Variants in BCL11B observed in about 807,000 individuals in gnomAD.
BCL11B encodes B-cell lymphoma/leukemia 11B.
Under a neutral mutation model 49.9 loss-of-function variants are expected in BCL11B, and 8 were observed. That is an observed-to-expected ratio of 0.16 (90% confidence interval 0.09 to 0.29). BCL11B has a LOEUF of 0.29. BCL11B is among the 10% of genes least tolerant of loss of function. The pLI is 1.00. For synonymous variants in BCL11B, 739 were observed against 637.4 expected (o/e 1.16, Z -2.40); for missense variants, 1,006 against 1,351.0 (o/e 0.74, Z 4.00).
chr14:99,244,042 C>T (rs1426638341), intron 2 of BCL11B, among the ~76,000 whole-genome samples: 1 of 151,782 alleles, frequency 6.6e-6, no homozygotes, highest in Non-Finnish European at 1.5e-5. Context: ...AGAAAGTGTG[C>T]CCTGCAAAGA....
Position 99,213,911 on chromosome 14 carries a change from C to G in BCL11B, c.640+17434G>C, listed in dbSNP as rs138016041. 2.0e-5 allele frequency among the ~76,000 whole-genome samples: 3 copies of G among 152,302 alleles called. No individual in the cohort carries two copies. The highest frequency in any genetic ancestry group is 3.4e-3 in the Middle Eastern group (1 of 294). The stretch of plus-strand genomic sequence containing the variant: ...GCTGGAACACTCAAGGTGACACATC[C>G]CAGCCCTCCGGTGCTCCTCCGAGAG... On this transcript the variant is annotated intron_variant, in intron 3 of 3. Transcript: ENST00000357195. The surrounding 1 kb of genome is among the most constrained non-coding windows in gnomAD (Gnocchi z 5.1).
At chr14:99,199,248 C>T (rs1887271840) in intron 3 of BCL11B, among the ~76,000 whole-genome samples, 1 of 152,200 alleles carries the variant, frequency 6.6e-6, no homozygotes, top group Non-Finnish European at 1.5e-5. Flanking sequence ...TCAATGTATT[C>T]ATCTCTGGCT....
chr14:99,193,164 C>T (rs574921897), intron 3 of BCL11B, among the ~76,000 whole-genome samples: 3 of 152,270 alleles, frequency 2.0e-5, no homozygotes, highest in Admixed American at 6.5e-5. Flanking sequence ...CATCAAGAAA[C>T]GTAGTGATTT....
chr14:99,242,745 T>G lies in BCL11B; in HGVS notation c.428-11188A>C, dbSNP rs1274816121. On this transcript the variant is annotated intron_variant, in intron 2 of 3. Transcript: ENST00000357195. The surrounding 1 kb of genome is among the most constrained non-coding windows in gnomAD (Gnocchi z 4.4). ...GCCAGAGGTTATTTTATGAAAAATC[T>G]AATTCAAGTAATCCAGCTTTTGCTG... Among the ~76,000 whole-genome samples, 4 of 152,258 alleles carry G rather than the reference T, an allele frequency of 2.6e-5. No individual in the cohort carries two copies. In the East Asian group the frequency reaches 7.7e-4, roughly 29 times the overall value.
rs1160941157 is a variant in BCL11B, at chr14:99,241,340, A to ATAGTG, written c.428-9788_428-9784dup. On this transcript the variant is annotated intron_variant, in intron 2 of 3. Transcript: ENST00000357195. This position sits in a 1 kb window ranked among gnomAD's most constrained non-coding sequence, Gnocchi z 4.4. ...GGGCCACTCTTACACATAAACAATCATAGTGTAGCCAGGATCCCAACGAGC... is the reference window on the plus strand; with the variant it reads ...GGGCCACTCTTACACATAAACAATCATAGTGTAGTGTAGCCAGGATCCCAACGAGC... Among the ~76,000 whole-genome samples the ATAGTG allele has an allele frequency of 2.0e-5, 3 of 152,110 alleles. No homozygotes were observed. The highest frequency in any genetic ancestry group is 7.2e-5 in the African/African-American group (3 of 41,412).
chr14:99,192,052 C>G lies in BCL11B; in HGVS notation c.641-15857G>C, dbSNP rs546467535. Among the ~76,000 whole-genome samples, 1 of 152,120 alleles carries G rather than the reference C, an allele frequency of 6.6e-6. No individual in the cohort carries two copies. The highest frequency in any genetic ancestry group is 1.5e-5 in the Non-Finnish European group (1 of 68,032). On this transcript the variant is annotated intron_variant, in intron 3 of 3. Coordinates refer to ENST00000357195, the MANE Select transcript of BCL11B (RefSeq NM_138576.4). The surrounding 1 kb of genome is among the most constrained non-coding windows in gnomAD (Gnocchi z 4.0). ...TTAAGGGACGCTCAGAATCCCGAGGCCTTCAAGAACGTGCTAGCTCCGGAA... is the reference window on the plus strand; with the variant it reads ...TTAAGGGACGCTCAGAATCCCGAGGGCTTCAAGAACGTGCTAGCTCCGGAA...
intron 3 of BCL11B, among the ~76,000 whole-genome samples, chr14:99,199,726 ATATG>A: frequency 7.5e-6 from 1 of 134,106 alleles, no homozygotes; most frequent in African/African-American, 2.5e-5. Flanking sequence ...GTGTGCATGC[ATATG>A]TGTGTGTGTA....
Position 99,231,372 on chromosome 14 carries a change from G to A in BCL11B, c.613C>T (p.Pro205Ser), listed in dbSNP as rs778883303. ...GTQGEGQTEA[P>S]FGCQCQLSGK... ...GACAACTGACACTGGCATCCAAAGG[G>A]AGCCTCCGTCTGACCCTCACCCTGA... is the stretch of plus-strand genomic sequence containing the variant. The change falls in exon 3 of 4, where the codon CCC (proline) becomes TCC (serine). Residue 205 changes from proline (P) to serine (S), a missense_variant. Transcript: ENST00000357195. The surrounding 1 kb of genome is among the most constrained non-coding windows in gnomAD (Gnocchi z 8.1). 1 of 1,608,472 alleles carries A rather than the reference G, an allele frequency of 6.2e-7. No homozygotes were observed. The highest frequency in any genetic ancestry group is 8.5e-7 in the Non-Finnish European group (1 of 1,178,038).
intron 3 of BCL11B, among the ~76,000 whole-genome samples, chr14:99,218,035 G>GT (rs1295206724): frequency 7.1e-6 from 1 of 140,636 alleles, no homozygotes; most frequent in African/African-American, 2.6e-5. Context: ...ATTCAACTCT[G>GT]TTAATTCTCA....
chr14:99,212,720 A>G (rs1782528651), intron 3 of BCL11B, among the ~76,000 whole-genome samples: 1 of 152,110 alleles, frequency 6.6e-6, no homozygotes, highest in Non-Finnish European at 1.5e-5. Context: ...CACCCCCAGG[A>G]GCTGAAGCTG....
intron 1 of BCL11B, among the ~76,000 whole-genome samples, chr14:99,258,319 C>G (rs955082620): frequency 6.6e-6 from 1 of 152,340 alleles, no homozygotes; most frequent in African/African-American, 2.4e-5. Flanking sequence ...GTCTTTCAGA[C>G]TCCCCAGGTG....
chr14:99,242,583 A>C lies in BCL11B; in HGVS notation c.428-11026T>G, dbSNP rs2139918540. On this transcript the variant is annotated intron_variant, in intron 2 of 3. Transcript: ENST00000357195. The surrounding 1 kb of genome is among the most constrained non-coding windows in gnomAD (Gnocchi z 4.4). Reference sequence around the variant, plus strand: ...GGGTCAAGGCCCCCATGGGGAAAGGAGAGGACCACACTCTCCCACCCCTAC... The same window carrying C: ...GGGTCAAGGCCCCCATGGGGAAAGGCGAGGACCACACTCTCCCACCCCTAC... Among the ~76,000 whole-genome samples, 1 of 152,280 alleles carries C rather than the reference A, an allele frequency of 6.6e-6. No individual in the cohort carries two copies. The highest frequency in any genetic ancestry group is 2.4e-5 in the African/African-American group (1 of 41,568).
intron 3 of BCL11B, among the ~76,000 whole-genome samples, chr14:99,208,804 A>G (rs969034214): frequency 6.6e-6 from 1 of 152,222 alleles, no homozygotes; most frequent in African/African-American, 2.4e-5. Flanking sequence ...CCCACCCAGC[A>G]GACGTGAGGC....
rs1595214754 is a variant in BCL11B at position 99,175,048 on chromosome 14, G to C, written c.1788C>G (p.Gly596=). 1 of 1,598,602 alleles carries C rather than the reference G, an allele frequency of 6.3e-7. No individual in the cohort carries two copies. ...CTAGGCCCACGTTCTCCATGACCTT[G>C]CCCAGCACCAGCGCCTTCTCGTCAG... ...ALADEKALVL[G]KVMENVGLGA... is the part of the protein sequence containing the mutation. The change falls in exon 4 of 4, where the codon GGC becomes GGG. Residue 596 remains glycine, a synonymous_variant. Coordinates refer to ENST00000357195, the MANE Select transcript of BCL11B (RefSeq NM_138576.4).
At chr14:99,263,472 A>G (rs1345667989) in intron 1 of BCL11B, among the ~76,000 whole-genome samples, 1 of 152,238 alleles carries the variant, frequency 6.6e-6, no homozygotes, top group African/African-American at 2.4e-5. Flanking sequence ...CCTGCAGGCC[A>G]GGAGGTGGAA....
chr14:99,241,080 G>A lies in BCL11B; in HGVS notation c.428-9523C>T, dbSNP rs1382149438. Among the ~76,000 whole-genome samples the A allele has an allele frequency of 1.3e-5, 2 of 151,978 alleles. No homozygotes were observed. The highest frequency in any genetic ancestry group is 3.9e-4 in the East Asian group (2 of 5,188). On this transcript the variant is annotated intron_variant, in intron 2 of 3. Coordinates refer to ENST00000357195, the MANE Select transcript of BCL11B (RefSeq NM_138576.4). This position sits in a 1 kb window ranked among gnomAD's most constrained non-coding sequence, Gnocchi z 4.4. Reference sequence around the variant, plus strand: ...GATGTGCTGGACCTCAGACAGAATTGACTGCAGAAACCCTGCAAAGATCCC... The same window carrying A: ...GATGTGCTGGACCTCAGACAGAATTAACTGCAGAAACCCTGCAAAGATCCC...
intron 3 of BCL11B, among the ~76,000 whole-genome samples, chr14:99,201,946 C>A (rs1376453164): frequency 6.6e-6 from 1 of 152,182 alleles, no homozygotes; most frequent in African/African-American, 2.4e-5. Context: ...GAGCCCACAA[C>A]AGGCAGGAAG....
Position 99,175,129 on chromosome 14 carries a change from G to A in BCL11B, c.1707C>T (p.Gly569=), listed in dbSNP as rs748442142. ...DSELSRNREN[G]GGGVPGVPGA... ...CCGGGACCCCGGGCACCCCACCACC[G>A]CCGTTCTCGCGGTTGCGGCTCAGCT... Residue 569 remains glycine (G), a synonymous_variant, in exon 4 of 4, where the codon GGC becomes GGT. Coordinates refer to ENST00000357195, the MANE Select transcript of BCL11B (RefSeq NM_138576.4). 5.0e-6 allele frequency: 8 copies of A among 1,595,864 alleles called. No homozygotes were observed. The East Asian group carries it at 1.1e-4, about 22-fold the overall frequency.
chr14:99,231,482 G>C lies in BCL11B; in HGVS notation c.503C>G (p.Thr168Ser). 6.2e-7 allele frequency: 1 copy of C among 1,602,608 alleles called. No homozygotes were observed. Among genetic ancestry groups the C allele is most frequent in the Non-Finnish European group, 8.5e-7 (1 of 1,174,990 alleles). ...ASSHPHSSVI[T>S]SPLRALGALP... ...AGCGCCCAGGGCACGCAGAGGTGAA[G>C]TGATCACGGATGAGTGAGGGTGGGA... Residue 168 changes from threonine (T) to serine (S), a missense_variant, in exon 3 of 4, where the codon ACT becomes AGT. Coordinates refer to ENST00000357195, the MANE Select transcript of BCL11B (RefSeq NM_138576.4). The surrounding 1 kb of genome is among the most constrained non-coding windows in gnomAD (Gnocchi z 8.1).
Sources: gnomAD v4.1 joint callset for allele counts (sites outside exome capture counted in the v4.1 genomes callset) on GRCh38, gnomAD v4.1.1 for gene constraint, Gnocchi (gnomAD v3.1) non-coding constraint, MANE v1.5 for transcripts, NCBI Gene and HGNC (gene_info 2026-07-23, HGNC 2026-07-21) for gene names.